The following ARID5B variants were observed in gnomAD, a reference collection of about 807,000 sequenced individuals.
ARID5B encodes the protein AT-rich interaction domain 5B, also known as AT-rich interactive domain-containing protein 5B.
Under a neutral mutation model 97.2 loss-of-function variants are expected in ARID5B, and 13 were observed. The ratio of observed to expected loss-of-function variants is 0.13; its 90% CI spans 0.09 to 0.21. The LOEUF (loss-of-function observed/expected upper bound fraction) is 0.21, where lower values mean the gene tolerates loss of function less well. ARID5B is among the 10% of genes least tolerant of loss of function. The pLI is 1.00. For missense variants in ARID5B, 1,210 were observed against 1,465.3 expected, an observed-to-expected ratio of 0.83 and a Z score of 2.84; for synonymous variants, 556 against 570.3, an observed-to-expected ratio of 0.97 and a Z score of 0.36.
At chr10:62,003,699 G>A (rs566663937) in intron 4 of ARID5B, among the ~76,000 whole-genome samples, 4 of 152,114 alleles carry the variant, frequency 2.6e-5, no homozygotes, top group Non-Finnish European at 5.9e-5. Context: ...GCTGGGGCTG[G>A]CTTTCCATCT....
At chr10:61,908,856 TC>T (rs1843750919) in intron 2 of ARID5B, among the ~76,000 whole-genome samples, 1 of 149,240 alleles carries the variant, frequency 6.7e-6, no homozygotes, top group Non-Finnish European at 1.5e-5. Context: ...CTCAAGGAGT[TC>T]CCAAACTGCC....
At chr10:61,910,067 T>C (rs185015856) in intron 2 of ARID5B, among the ~76,000 whole-genome samples, 1 of 152,366 alleles carries the variant, frequency 6.6e-6, no homozygotes, top group Non-Finnish European at 1.5e-5. Context: ...TTTTTCAGGC[T>C]GATGGTCTTA....
At chr10:61,959,716 G>A (rs1838443408) in intron 3 of ARID5B, among the ~76,000 whole-genome samples, 1 of 152,056 alleles carries the variant, frequency 6.6e-6, no homozygotes, top group African/African-American at 2.4e-5. Flanking sequence ...ACCAGTTACT[G>A]TTCTCCCCAA....
At chr10:61,932,051 G>A (rs181595211) in intron 2 of ARID5B, among the ~76,000 whole-genome samples, 11 of 152,194 alleles carry the variant, frequency 7.2e-5, no homozygotes, top group African/African-American at 1.4e-4. Context: ...AAACCTGTGC[G>A]GGCATACCTT....
At chr10:61,916,670 T>C (rs1843911312) in intron 2 of ARID5B, among the ~76,000 whole-genome samples, 1 of 152,192 alleles carries the variant, frequency 6.6e-6, no homozygotes, top group Non-Finnish European at 1.5e-5. Context: ...GCTGTTTTAA[T>C]TCCAAAATGC....
intron 2 of ARID5B, among the ~76,000 whole-genome samples, chr10:61,907,910 G>A (rs1026142954): frequency 6.6e-6 from 1 of 152,218 alleles, no homozygotes. Context: ...TAAGAAAAAC[G>A]TTGCTGACCC....
chr10:61,941,035 C>CTTGG (rs1844402266), intron 3 of ARID5B, among the ~76,000 whole-genome samples: 1 of 112,976 alleles, frequency 8.9e-6, no homozygotes, highest in African/African-American at 3.5e-5. Context: ...TAAAGGAGAA[C>CTTGG]TTGGGCTTTG....
At position 62,032,034 on chromosome 10, in the gene ARID5B, A is replaced by G. The variant is rs191061332; in HGVS notation, c.734-18854A>G. On this transcript the variant is annotated intron_variant, in intron 4 of 9. Coordinates refer to ENST00000279873, the MANE Select transcript of ARID5B (RefSeq NM_032199.3). ...GTAATAAGGATACTTATTCAAAATCAGTGAAAATGTAGCCGGGCGCAGTGG... is the reference window on the plus strand; with the variant it reads ...GTAATAAGGATACTTATTCAAAATCGGTGAAAATGTAGCCGGGCGCAGTGG... Among the ~76,000 whole-genome samples, 91 of 152,336 alleles carry G rather than the reference A, an allele frequency of 6.0e-4. 1 individual carries two copies. Among genetic ancestry groups the G allele is most frequent in the African/African-American group, 1.8e-3 (74 of 41,576 alleles).
At chr10:62,002,971 T>C (rs755456816) in intron 4 of ARID5B, among the ~76,000 whole-genome samples, 1 of 152,228 alleles carries the variant, frequency 6.6e-6, no homozygotes, top group South Asian at 2.1e-4. Flanking sequence ...GTAGAGCTGA[T>C]GGCAAAGAGT....
intron 4 of ARID5B, among the ~76,000 whole-genome samples, chr10:62,045,802 G>A (rs1839700457): frequency 6.6e-6 from 1 of 152,112 alleles, no homozygotes; most frequent in African/African-American, 2.4e-5. Context: ...AGAAATGCAG[G>A]GTATTATCAG....
intron 3 of ARID5B, among the ~76,000 whole-genome samples, chr10:61,993,361 C>T (rs147534635): frequency 0.02 from 3,032 of 152,238 alleles, 31 homozygotes; most frequent in Non-Finnish European, 0.025. Flanking sequence ...TAAACACTTT[C>T]AACCAATTCA....
chr10:62,022,059 T>TC (rs1411311643), intron 4 of ARID5B, among the ~76,000 whole-genome samples: 1 of 152,184 alleles, frequency 6.6e-6, no homozygotes, highest in Non-Finnish European at 1.5e-5. Flanking sequence ...CCTGGCACTG[T>TC]CCCCCTGTCC....
intron 8 of ARID5B, among the ~76,000 whole-genome samples, chr10:62,079,124 T>C (rs1840176732): frequency 6.6e-6 from 1 of 152,216 alleles, no homozygotes; most frequent in Admixed American, 6.5e-5. Context: ...CCTTAGGAGC[T>C]AGGAATTCAC....
Position 62,092,978 on chromosome 10 carries a change from C to T in ARID5B, c.3515C>T (p.Ala1172Val). 4.3e-6 allele frequency: 7 copies of T among 1,613,786 alleles called. No homozygotes were observed. The highest frequency in any genetic ancestry group is 5.9e-6 in the Non-Finnish European group (7 of 1,179,968). ...IYPLAAINPQAAFPSSQLSSV... is the reference protein window; with the variant it reads ...IYPLAAINPQVAFPSSQLSSV... ...CCTTTAGCTGCTATAAATCCTCAAGCTGCCTTTCCATCTTCCCAGCTGTCA... is the reference window on the plus strand; with the variant it reads ...CCTTTAGCTGCTATAAATCCTCAAGTTGCCTTTCCATCTTCCCAGCTGTCA... The change falls in exon 10 of 10, where the codon GCT becomes GTT. Residue 1172 changes from alanine (A) to valine (V), a missense_variant. By Grantham distance (64) the Ala-to-Val change is moderately conservative. This residue lies in a region of ARID5B where 54 missense variants were observed against 67.4 expected (regional missense o/e 0.80). Coordinates refer to ENST00000279873, the MANE Select transcript of ARID5B (RefSeq NM_032199.3).
chr10:61,932,604 G>C (rs535198348), intron 2 of ARID5B, among the ~76,000 whole-genome samples: 1 of 151,762 alleles, frequency 6.6e-6, no homozygotes, highest in Non-Finnish European at 1.5e-5. Context: ...ATGCAGTTTC[G>C]CCATGTTGCC....
At chr10:61,949,496 G>C (rs950580332) in intron 3 of ARID5B, among the ~76,000 whole-genome samples, 2 of 152,118 alleles carry the variant, frequency 1.3e-5, no homozygotes, top group Non-Finnish European at 2.9e-5. Flanking sequence ...AATTAGACGG[G>C]TATGGTAGCA....
chr10:62,021,769 A>G (rs16916913), intron 4 of ARID5B, among the ~76,000 whole-genome samples: 3,859 of 152,298 alleles, frequency 0.025, 237 homozygotes, highest in Admixed American at 0.14. Flanking sequence ...GTGCAAACCC[A>G]ATTGCTTAGA....
intron 4 of ARID5B, among the ~76,000 whole-genome samples, chr10:62,030,051 C>T (rs1293192064): frequency 6.6e-6 from 1 of 152,132 alleles, no homozygotes; most frequent in Non-Finnish European, 1.5e-5. Context: ...TGACGAGCCA[C>T]AAGCTGTCCT....
intron 3 of ARID5B, among the ~76,000 whole-genome samples, chr10:61,943,520 A>T (rs1844450529): frequency 6.8e-6 from 1 of 147,294 alleles, no homozygotes; most frequent in Admixed American, 6.7e-5. Flanking sequence ...GAAAGATCTC[A>T]CCTTTCTATG....
Sources: gnomAD v4.1 joint callset for allele counts (sites outside exome capture counted in the v4.1 genomes callset) on GRCh38, gnomAD v4.1.1 for gene constraint, gnomAD v4.1.1 regional missense constraint, MANE v1.5 for transcripts, NCBI Gene and HGNC (gene_info 2026-07-23, HGNC 2026-07-21) for gene names.